The following CHRM3 variants were observed in gnomAD, a reference collection of about 807,000 sequenced individuals.
CHRM3 encodes the protein cholinergic receptor muscarinic 3.
In CHRM3, 11 loss-of-function variants were observed where a neutral mutation model predicts 41.8. That is an observed-to-expected ratio of 0.26 (90% confidence interval 0.17 to 0.44). The LOEUF (loss-of-function observed/expected upper bound fraction) is 0.44. Ranked by LOEUF, CHRM3 falls within the 20% of genes least tolerant of loss-of-function variation. The probability of loss-of-function intolerance (pLI) is 1.00; values close to 1 mark genes in which losing one functional copy is unlikely to be tolerated. For missense variants in CHRM3, 571 were observed against 745.4 expected, an observed-to-expected ratio of 0.77 and a Z score of 2.72; for synonymous variants, 297 against 301.4, an observed-to-expected ratio of 0.99 and a Z score of 0.15.
At chr1:239,861,704 G>C (rs1381204012) in intron 6 of CHRM3, among the ~76,000 whole-genome samples, 4 of 152,146 alleles carry the variant, frequency 2.6e-5, no homozygotes, top group Non-Finnish European at 5.9e-5. Context: ...GAGTTTCCAA[G>C]AGGTGAAAGG....
intron 6 of CHRM3, among the ~76,000 whole-genome samples, chr1:239,847,285 CAGCTGAAAAT>C (rs1252587254): frequency 6.6e-6 from 1 of 152,228 alleles, no homozygotes; most frequent in East Asian, 1.9e-4. Flanking sequence ...GTTACGTGCA[CAGCTGAAAAT>C]AGAGGATCTG....
chr1:239,587,539 T>C (rs1663559012), intron 3 of CHRM3, among the ~76,000 whole-genome samples: 1 of 152,178 alleles, frequency 6.6e-6, no homozygotes, highest in Non-Finnish European at 1.5e-5. Context: ...GGGTTGCCAA[T>C]GCAGTATGAG....
chr1:239,846,884 G>A (rs1674310423), intron 6 of CHRM3, among the ~76,000 whole-genome samples: 1 of 152,170 alleles, frequency 6.6e-6, no homozygotes, highest in Non-Finnish European at 1.5e-5. Context: ...CTTGTAAGAT[G>A]AGTACTCTAT....
In CHRM3 at chr1:239,739,201, T is replaced by C. The variant is rs559442281; in HGVS notation, c.-147+60913T>C. ...CAGCAGCACCAGCATGCATTGGCAT[T>C]GGAAAAATGCATTGCCCAGTTCTGT... On this transcript the variant is annotated intron_variant, in intron 5 of 6. Transcript: ENST00000676153. Among the ~76,000 whole-genome samples, 5 of 152,284 alleles carry C rather than the reference T, an allele frequency of 3.3e-5. No homozygotes were observed. The South Asian group carries it at 1.0e-3, about 32-fold the overall frequency.
intron 5 of CHRM3, among the ~76,000 whole-genome samples, chr1:239,761,251 T>C (rs896428126): frequency 5.3e-5 from 8 of 152,190 alleles, no homozygotes; most frequent in Admixed American, 3.3e-4. Context: ...TTATGCCTTA[T>C]ATGATTTTCC....
chr1:239,417,098 T>C (rs1169565231), intron 1 of CHRM3, among the ~76,000 whole-genome samples: 1 of 152,226 alleles, frequency 6.6e-6, no homozygotes, highest in African/African-American at 2.4e-5. Context: ...GCAGTCAGCC[T>C]TACCATCTGC....
At chr1:239,425,962 C>CT (rs562051527) in intron 1 of CHRM3, among the ~76,000 whole-genome samples, 3 of 151,846 alleles carry the variant, frequency 2.0e-5, no homozygotes, top group Admixed American at 6.6e-5. Flanking sequence ...TTGTTCACAT[C>CT]TTTTTTTTCC....
At chr1:239,796,371 A>C in intron 5 of CHRM3, among the ~76,000 whole-genome samples, 1 of 152,166 alleles carries the variant, frequency 6.6e-6, no homozygotes, top group East Asian at 1.9e-4. Flanking sequence ...ATCACAGCAT[A>C]TTTTAAGAAA....
At chr1:239,584,716 A>G (rs1467991221) in intron 3 of CHRM3, among the ~76,000 whole-genome samples, 1 of 152,154 alleles carries the variant, frequency 6.6e-6, no homozygotes, top group Admixed American at 6.5e-5. Flanking sequence ...GATTTTCATT[A>G]GAGTCCAGAT....
chr1:239,533,238 C>T (rs964689823), intron 2 of CHRM3, among the ~76,000 whole-genome samples: 1 of 152,126 alleles, frequency 6.6e-6, no homozygotes, highest in African/African-American at 2.4e-5. Flanking sequence ...AATCTGGCTG[C>T]CAGCTTGTGT....
intron 6 of CHRM3, among the ~76,000 whole-genome samples, chr1:239,867,734 T>C (rs1676238333): frequency 6.6e-6 from 1 of 151,678 alleles, no homozygotes; most frequent in Admixed American, 6.6e-5. Context: ...TGGCGGAACT[T>C]AACATCGTAC....
chr1:239,892,635 A>G (rs964145082), intron 6 of CHRM3, among the ~76,000 whole-genome samples: 15 of 152,328 alleles, frequency 9.8e-5, no homozygotes, highest in African/African-American at 3.6e-4. Context: ...TATGAAAATT[A>G]TAATAGATCT....
At chr1:239,650,997 CAT>C (rs1321472805) in intron 4 of CHRM3, among the ~76,000 whole-genome samples, 1 of 151,974 alleles carries the variant, frequency 6.6e-6, no homozygotes, top group Non-Finnish European at 1.5e-5. Flanking sequence ...TGCATAATAT[CAT>C]GTGTTTTGAT....
intron 3 of CHRM3, among the ~76,000 whole-genome samples, chr1:239,585,029 A>G (rs923269030): frequency 2.0e-5 from 3 of 150,690 alleles, no homozygotes; most frequent in Non-Finnish European, 4.4e-5. Flanking sequence ...AGAGGCAACC[A>G]TTCTTCAGGT....
Position 239,486,744 on chromosome 1 carries a change from TC to T in CHRM3, c.-520-5963del, listed in dbSNP as rs571620960. ...AGAATATCTTCCCCTACCTCTGTGT[TC>T]CTGAACTTTCTGCTCTCTGATGCTT... On this transcript the variant is annotated intron_variant, in intron 1 of 6. Transcript: ENST00000676153. Among the ~76,000 whole-genome samples, 6 of 152,316 alleles carry T rather than the reference TC, an allele frequency of 3.9e-5. No individual in the cohort carries two copies. The South Asian group carries it at 1.2e-3, about 32-fold the overall frequency.
At chr1:239,635,008 T>C (rs1670303134) in intron 4 of CHRM3, among the ~76,000 whole-genome samples, 2 of 152,250 alleles carry the variant, frequency 1.3e-5, no homozygotes, top group African/African-American at 4.8e-5. Flanking sequence ...AATACTCTGA[T>C]ATCTATTCAA....
chr1:239,782,437 A>G (rs1353064956), intron 5 of CHRM3, among the ~76,000 whole-genome samples: 1 of 152,058 alleles, frequency 6.6e-6, no homozygotes, highest in African/African-American at 2.4e-5. Context: ...TGTAAAGTCC[A>G]TGTTATCTGC....
intron 6 of CHRM3, among the ~76,000 whole-genome samples, chr1:239,888,734 C>G (rs1280991378): frequency 1.3e-5 from 2 of 152,116 alleles, no homozygotes; most frequent in Admixed American, 1.3e-4. Flanking sequence ...CCTCCCTGAA[C>G]AATTAAGTTT....
At chr1:239,906,701 T>G (rs1679991662) in intron 6 of CHRM3, among the ~76,000 whole-genome samples, 1 of 152,216 alleles carries the variant, frequency 6.6e-6, no homozygotes, top group South Asian at 2.1e-4. Flanking sequence ...TAAAATACAT[T>G]TTCATGCTTG....
Sources: allele counts gnomAD v4.1 joint callset (sites outside exome capture counted in the v4.1 genomes callset), GRCh38; gene constraint gnomAD v4.1.1; transcripts MANE v1.5; gene names NCBI Gene and HGNC (gene_info 2026-07-23, HGNC 2026-07-21).